Variants in RSRC1 observed in about 807,000 individuals in gnomAD.
The protein encoded by RSRC1 is serine/Arginine-related protein 53.
In RSRC1, 39 loss-of-function variants were observed where a neutral mutation model predicts 49.1. The observed-to-expected ratio is 0.79, with a 90% confidence interval of 0.61 to 1.04. RSRC1 has a LOEUF of 1.04. Ranked by LOEUF, RSRC1 falls within the 50% of genes least tolerant of loss-of-function variation. RSRC1 has a pLI of 0.00. For synonymous variants in RSRC1, 143 were observed against 130.8 expected, an observed-to-expected ratio of 1.09 and a Z score of -0.63; for missense variants, 388 against 402.4, an observed-to-expected ratio of 0.96 and a Z score of 0.31.
At chr3:158,278,724 C>T (rs1292650555) in intron 4 of RSRC1, among the ~76,000 whole-genome samples, 1 of 152,200 alleles carries the variant, frequency 6.6e-6, no homozygotes, top group African/African-American at 2.4e-5. Flanking sequence ...TCTTTGACTG[C>T]ATTCAAACAC....
chr3:158,397,557 A>G (rs1454897873), intron 6 of RSRC1, among the ~76,000 whole-genome samples: 2 of 152,306 alleles, frequency 1.3e-5, no homozygotes, highest in East Asian at 1.9e-4. Context: ...GAATTATTAC[A>G]TATCTCAAAA....
intron 4 of RSRC1, among the ~76,000 whole-genome samples, chr3:158,285,509 T>A (rs1394986775): frequency 6.6e-6 from 1 of 152,252 alleles, no homozygotes; most frequent in African/African-American, 2.4e-5. Flanking sequence ...CGATATTGAT[T>A]CTTCCTACCC....
chr3:158,318,679 GTA>G (rs1559990698), intron 5 of RSRC1, among the ~76,000 whole-genome samples: 1 of 152,036 alleles, frequency 6.6e-6, no homozygotes, highest in African/African-American at 2.4e-5. Flanking sequence ...TGCTGTATGT[GTA>G]AAGTATTTCC....
At chr3:158,333,648 A>T (rs1248305719) in intron 5 of RSRC1, among the ~76,000 whole-genome samples, 1 of 152,232 alleles carries the variant, frequency 6.6e-6, no homozygotes, top group African/African-American at 2.4e-5. Flanking sequence ...ACAAAGCTTC[A>T]AAAAAGTAAA....
rs1236059332 is a variant in RSRC1, at chr3:158,110,151, T to C, written c.-75T>C. 6.6e-6 allele frequency: 1 copy of C among 152,048 alleles called. No individual in the cohort carries two copies. The highest frequency in any genetic ancestry group is 2.4e-5 in the African/African-American group (1 of 41,384). The allele number at this position is 152,048 out of a possible 1,614,324, so 9.4% of individuals were successfully genotyped here. A position where few individuals can be genotyped will look rare whatever the true frequency, so the allele number is the denominator to read the frequency against. On this transcript the variant is annotated 5_prime_UTR_variant, in exon 1 of 10. Coordinates refer to ENST00000611884, the MANE Select transcript of RSRC1 (RefSeq NM_001271838.2). ...TCGGTGGACGCCGGCGGCGCCCTGATCTAAAGAAACGACTCAGGGACTGCG... is the reference window on the plus strand; with the variant it reads ...TCGGTGGACGCCGGCGGCGCCCTGACCTAAAGAAACGACTCAGGGACTGCG...
At chr3:158,229,414 GTGTATGTA>G (rs141992350) in intron 4 of RSRC1, among the ~76,000 whole-genome samples, 1 of 147,230 alleles carries the variant, frequency 6.8e-6, no homozygotes, top group Admixed American at 6.8e-5. Context: ...ACACGTATAT[GTGTATGTA>G]TGTATGTATA....
At chr3:158,180,449 T>TGTGTGTGTGTGTG (rs71144444) in intron 3 of RSRC1, among the ~76,000 whole-genome samples, 1 of 130,944 alleles carries the variant, frequency 7.6e-6, no homozygotes, top group Non-Finnish European at 1.6e-5. Flanking sequence ...TGTGTGTGTG[T>TGTGTGTGTGTGTG]TTATGTGTCT....
intron 5 of RSRC1, among the ~76,000 whole-genome samples, chr3:158,315,361 C>A (rs1168043695): frequency 6.6e-6 from 1 of 152,080 alleles, no homozygotes; most frequent in Non-Finnish European, 1.5e-5. Context: ...GGCTCCAAAG[C>A]TCATACTCCT....
intron 3 of RSRC1, among the ~76,000 whole-genome samples, chr3:158,132,879 T>C (rs754124717): frequency 2.0e-5 from 3 of 152,310 alleles, no homozygotes; most frequent in Middle Eastern, 3.4e-3. Flanking sequence ...TATTAGAAAA[T>C]GATTAAGTAT....
intron 6 of RSRC1, among the ~76,000 whole-genome samples, chr3:158,366,893 T>A (rs775608426): frequency 6.6e-6 from 1 of 152,198 alleles, no homozygotes. Flanking sequence ...CTAGGTATTT[T>A]ATTCTCTTTG....
At chr3:158,121,855 T>C (rs1230216436) in intron 1 of RSRC1, among the ~76,000 whole-genome samples, 1 of 152,082 alleles carries the variant, frequency 6.6e-6, no homozygotes, top group Non-Finnish European at 1.5e-5. Flanking sequence ...AAGTAGTACA[T>C]TGAGGCCAGA....
chr3:158,474,113 A>G (rs1330966267), intron 7 of RSRC1, among the ~76,000 whole-genome samples: 1 of 152,132 alleles, frequency 6.6e-6, no homozygotes, highest in Non-Finnish European at 1.5e-5. Context: ...CTAACCACTA[A>G]TGGAATTCAT....
intron 6 of RSRC1, among the ~76,000 whole-genome samples, chr3:158,427,814 A>G (rs1380263381): frequency 6.6e-6 from 1 of 151,810 alleles, no homozygotes; most frequent in Non-Finnish European, 1.5e-5. Context: ...TGACTACATA[A>G]TATTTGTCCA....
intron 4 of RSRC1, among the ~76,000 whole-genome samples, chr3:158,245,440 A>G (rs1403249670): frequency 6.6e-6 from 1 of 152,196 alleles, no homozygotes; most frequent in Non-Finnish European, 1.5e-5. Flanking sequence ...ACTTCCGAAT[A>G]TGTGGTTAAT....
chr3:158,451,132 A>G (rs531658172), intron 6 of RSRC1, among the ~76,000 whole-genome samples: 5 of 151,894 alleles, frequency 3.3e-5, no homozygotes, highest in African/African-American at 9.6e-5. Context: ...TATTTGTCAC[A>G]TGTTTCTATA....
intron 6 of RSRC1, among the ~76,000 whole-genome samples, chr3:158,393,531 A>G (rs977029074): frequency 1.3e-5 from 2 of 152,054 alleles, no homozygotes; most frequent in Non-Finnish European, 2.9e-5. Context: ...GACTACTACA[A>G]ACACCTCTCT....
At chr3:158,155,902 C>G (rs1209994658) in intron 3 of RSRC1, among the ~76,000 whole-genome samples, 1 of 152,048 alleles carries the variant, frequency 6.6e-6, no homozygotes, top group African/African-American at 2.4e-5. Context: ...CTTAAGAGCC[C>G]TAGGATTTTC....
At chr3:158,499,163 G>A (rs1739481122) in intron 7 of RSRC1, among the ~76,000 whole-genome samples, 2 of 152,096 alleles carry the variant, frequency 1.3e-5, no homozygotes, top group Non-Finnish European at 2.9e-5. Flanking sequence ...TGGTCATGAG[G>A]TCAGGAGATT....
chr3:158,379,192 C>CTTT (rs768767131), intron 6 of RSRC1, among the ~76,000 whole-genome samples: 41 of 93,920 alleles, frequency 4.4e-4, no homozygotes, highest in Non-Finnish European at 5.5e-4. Flanking sequence ...AGAAATACCA[C>CTTT]TTTTTTTTTT....
Sources: gnomAD v4.1 joint callset for allele counts (sites outside exome capture counted in the v4.1 genomes callset) on GRCh38, gnomAD v4.1.1 for gene constraint, MANE v1.5 for transcripts, NCBI Gene and HGNC (gene_info 2026-07-23, HGNC 2026-07-21) for gene names.